Variants in TMEM218 observed in about 807,000 individuals in gnomAD.
TMEM218 encodes the protein transmembrane protein 218.
In TMEM218, 8 loss-of-function variants were observed where a neutral mutation model predicts 10.0. The ratio of observed to expected loss-of-function variants is 0.80; its 90% CI spans 0.47 to 1.44. The LOEUF (loss-of-function observed/expected upper bound fraction) is 1.44. Ranked by LOEUF, TMEM218 falls within the 40% of genes most tolerant of loss-of-function variation. TMEM218 has a pLI of 0.00. For missense variants in TMEM218, 110 were observed against 140.1 expected (o/e 0.79, Z 1.08); for synonymous variants, 66 against 63.5 (o/e 1.04, Z -0.18).
In TMEM218 at chr11:125,102,203, G is replaced by A. The variant is rs772118832; in HGVS notation, c.39C>T (p.Phe13=). 6.2e-7 allele frequency: 1 copy of A among 1,612,996 alleles called. No homozygotes were observed. Residue 13 remains phenylalanine (F), a synonymous_variant, in exon 3 of 5, where the codon TTC becomes TTT. Coordinates refer to ENST00000682305, the MANE Select transcript of TMEM218 (RefSeq NM_001258244.2). ...CTGCCACCCAGAGCAGGGCTAAGAT[G>A]AACACGCCCGCACCGACTCCGAGCA... is the stretch of plus-strand genomic sequence containing the variant. ...GTVLGVGAGV[F]ILALLWVAVL...
At chr11:125,110,812 C>A (rs954146192) in intron 1 of TMEM218, 1 of 123,902 alleles carries the variant, frequency 8.1e-6, no homozygotes, top group African/African-American at 3.1e-5. Context: ...GTCCTTTTCA[C>A]TTTGCTTTAT....
chr11:125,102,011 A>G, intron 3 of TMEM218, 121 bp downstream of exon 3: 2 of 1,148,070 alleles, frequency 1.7e-6, no homozygotes, highest in Admixed American at 3.6e-5. Context: ...TTAAAATGCA[A>G]CTCATTCAAA....
intron 1 of TMEM218, among the ~76,000 whole-genome samples, chr11:125,107,797 G>GTATA (rs1389771222): frequency 0.034 from 4,969 of 147,374 alleles, 115 homozygotes; most frequent in Middle Eastern, 0.07. Context: ...GTGGATATGT[G>GTATA]TGTATATATA....
chr11:125,101,791 T>C, intron 3 of TMEM218: 1 of 479,282 alleles, frequency 2.1e-6, no homozygotes, highest in Non-Finnish European at 3.6e-6. Flanking sequence ...TTCGTTTTCC[T>C]GGGTCCAGGG....
chr11:125,103,793 C>T (rs1170874399), intron 1 of TMEM218: 1 of 152,202 alleles, frequency 6.6e-6, no homozygotes, highest in African/African-American at 2.4e-5. Context: ...GGAGACAAGT[C>T]TTAAGCAAAC....
At chr11:125,107,540 T>C (rs1952506205) in intron 1 of TMEM218, among the ~76,000 whole-genome samples, 2 of 152,104 alleles carry the variant, frequency 1.3e-5, no homozygotes, top group Non-Finnish European at 2.9e-5. Flanking sequence ...ATTAAAAAGA[T>C]GATATTATTA....
intron 3 of TMEM218, chr11:125,101,828 C>T (rs984338120): frequency 1.2e-5 from 6 of 483,198 alleles, no homozygotes; most frequent in African/African-American, 1.2e-4. Flanking sequence ...TGGACCAAGC[C>T]TCTGCCATAA....
intron 1 of TMEM218, among the ~76,000 whole-genome samples, chr11:125,105,502 T>C (rs1166090879): frequency 6.6e-6 from 1 of 152,072 alleles, no homozygotes; most frequent in Non-Finnish European, 1.5e-5. Flanking sequence ...ACAGGAAGCA[T>C]GGTGAGAAAA....
chr11:125,099,921 CAAAA>C (rs34211632), intron 4 of TMEM218, among the ~76,000 whole-genome samples: 7 of 100,400 alleles, frequency 7.0e-5, no homozygotes, highest in Admixed American at 1.1e-4. Context: ...GAGACTGTCT[CAAAA>C]AAAAAAAAAA....
intron 1 of TMEM218, chr11:125,103,446 T>C (rs1394422813): frequency 2.6e-5 from 4 of 152,196 alleles, no homozygotes; most frequent in Non-Finnish European, 5.9e-5. Context: ...CCCTGCCTCT[T>C]CCATCTTCTG....
rs566417866 is a variant in TMEM218, at chr11:125,095,126, A to C, written c.*2480T>G. 1.1e-3 allele frequency among the ~76,000 whole-genome samples: 164 copies of C among 152,282 alleles called. No individual in the cohort carries two copies. Among genetic ancestry groups the C allele is most frequent in the Non-Finnish European group, 1.9e-3 (128 of 68,018 alleles). On this transcript the variant is annotated 3_prime_UTR_variant, in exon 5 of 5. Transcript: ENST00000682305. ...TGTGGGGATAGGGTGGTATCCTCCT[A>C]ATTCAGCTTTTGTCAGGATACAATT... is the stretch of plus-strand genomic sequence containing the variant.
chr11:125,107,851 T>C (rs569734723), intron 1 of TMEM218, among the ~76,000 whole-genome samples: 2 of 150,226 alleles, frequency 1.3e-5, no homozygotes, highest in Non-Finnish European at 3.0e-5. Context: ...TGAGTAAGAT[T>C]TGTATAGCTA....
intron 3 of TMEM218, 114 bp from the exon 4 acceptor site, chr11:125,101,417 A>C: frequency 6.6e-7 from 1 of 1,524,418 alleles, no homozygotes; most frequent in Non-Finnish European, 8.8e-7. Context: ...GTCCCTTAAC[A>C]ATGTCCAGAG....
chr11:125,110,360 C>T (rs1442964570), intron 1 of TMEM218: 1 of 152,166 alleles, frequency 6.6e-6, no homozygotes, highest in African/African-American at 2.4e-5. Context: ...AACAGTTCAG[C>T]AGCTGACAAC....
At chr11:125,105,776 TAAAG>T (rs774031422) in intron 1 of TMEM218, among the ~76,000 whole-genome samples, 11 of 143,858 alleles carry the variant, frequency 7.6e-5, no homozygotes, top group Non-Finnish European at 1.4e-4. Flanking sequence ...GAAAAAAAAA[TAAAG>T]AAAACAGAAA....
Position 125,102,323 on chromosome 11 carries a change from G to A in TMEM218, c.-76-6C>T, listed in dbSNP as rs148881857. ...CTGTGCTCCAGTGCAACACACTCCCGTGAAAGCATTCAGACAAATACAGAA... is the reference window on the plus strand; with the variant it reads ...CTGTGCTCCAGTGCAACACACTCCCATGAAAGCATTCAGACAAATACAGAA... On this transcript the variant is annotated splice_region_variant and splice_polypyrimidine_tract_variant and intron_variant, in intron 2 of 4. Transcript: ENST00000682305. The A allele has an allele frequency of 7.1e-6, 11 of 1,557,182 alleles. No homozygotes were observed. The highest frequency in any genetic ancestry group is 1.7e-4 in the Middle Eastern group (1 of 5,950).
At position 125,102,793 on chromosome 11, in the gene TMEM218, G is replaced by A. The variant is rs549275903; in HGVS notation, c.-136C>T. 5.5e-6 allele frequency: 6 copies of A among 1,094,208 alleles called. No individual in the cohort carries two copies. The East Asian group carries it at 3.5e-4, about 64-fold the overall frequency. 67.8% of individuals were successfully genotyped at this position (1,094,208 alleles called of 1,614,324 possible). The stretch of plus-strand genomic sequence containing the variant: ...CTGTTGTCGAGTTCTTATTCAAGAG[G>A]ATGAAAACTCCCAGTCCTTAAAGAA... On this transcript the variant is annotated 5_prime_UTR_variant, in exon 2 of 5. Transcript: ENST00000682305.
intron 2 of TMEM218, 77 bp from the exon 3 acceptor site, chr11:125,102,394 G>A: frequency 6.6e-7 from 1 of 1,524,478 alleles, no homozygotes; most frequent in Non-Finnish European, 8.7e-7. Context: ...AGTGTGTTAG[G>A]AGGATTACTC....
In TMEM218 at chr11:125,098,513, A is replaced by G. The variant is rs74570947; in HGVS notation, c.214-773T>C. Among the ~76,000 whole-genome samples the G allele has an allele frequency of 2.6e-4, 39 of 152,338 alleles. No individual in the cohort carries two copies. In the East Asian group the frequency reaches 6.8e-3, roughly 26 times the overall value. On this transcript the variant is annotated intron_variant, in intron 4 of 4. Transcript: ENST00000682305. ...TGGGCAGGAAAAAGCAATTTAATCTATAGACCTAATGGAGCAACACCACCA... is the reference window on the plus strand; with the variant it reads ...TGGGCAGGAAAAAGCAATTTAATCTGTAGACCTAATGGAGCAACACCACCA...
Sources: allele counts gnomAD v4.1 joint callset (sites outside exome capture counted in the v4.1 genomes callset), GRCh38; gene constraint gnomAD v4.1.1; transcripts MANE v1.5; gene names NCBI Gene and HGNC (gene_info 2026-07-23, HGNC 2026-07-21).